The following SGK1 variants were observed in gnomAD, a reference collection of about 807,000 sequenced individuals.
SGK1 encodes serum/glucocorticoid regulated kinase 1.
In SGK1, 26 loss-of-function variants were observed where a neutral mutation model predicts 64.2. The observed-to-expected ratio is 0.40, with a 90% CI of 0.30 to 0.56. The LOEUF (loss-of-function observed/expected upper bound fraction) is 0.56. SGK1 is among the 20% of genes least tolerant of loss of function. The pLI is 0.38. For missense variants in SGK1, 519 were observed against 645.6 expected (o/e 0.80, Z 2.12); for synonymous variants, 265 against 239.7 (o/e 1.11, Z -0.98).
At chr6:134,171,223 T>C (rs1441952837) in intron 11 of SGK1, 45 bp from the exon 12 acceptor site, 13 of 1,563,834 alleles carry the variant, frequency 8.3e-6, no homozygotes, top group Admixed American at 1.7e-5. Context: ...GGAAGTTTCA[T>C]ATGGCACACA....
intron 3 of SGK1, among the ~76,000 whole-genome samples, chr6:134,179,035 T>A (rs1369892340): frequency 1.3e-5 from 2 of 152,218 alleles, no homozygotes; most frequent in Admixed American, 1.3e-4. Context: ...GGACTATAAA[T>A]GCTAAAACCT....
intron 2 of SGK1, among the ~76,000 whole-genome samples, chr6:134,231,865 C>A (rs1469954901): frequency 6.6e-6 from 1 of 151,664 alleles, no homozygotes; most frequent in Non-Finnish European, 1.5e-5. Context: ...CATGGTGAAA[C>A]CCTGTCTCTA....
chr6:134,233,738 G>T (rs766898856), intron 2 of SGK1, among the ~76,000 whole-genome samples: 1 of 150,628 alleles, frequency 6.6e-6, no homozygotes, highest in Non-Finnish European at 1.5e-5. Context: ...CATTCCTAAA[G>T]ACTCTAAATT....
chr6:134,261,526 G>C (rs746006337), intron 2 of SGK1: 55 of 365,056 alleles, frequency 1.5e-4, no homozygotes, highest in Non-Finnish European at 2.2e-4. Context: ...AGGATTTTTA[G>C]GGCAGTGAAA....
chr6:134,305,363 C>CAAAA (rs34637536), intron 1 of SGK1, among the ~76,000 whole-genome samples: 9 of 65,614 alleles, frequency 1.4e-4, no homozygotes, highest in African/African-American at 5.3e-4. Context: ...TACTTCATCT[C>CAAAA]AAAAAAAAAA....
chr6:134,271,428 T>C lies in SGK1; in HGVS notation c.70-9280A>G, dbSNP rs1252453146. Among the ~76,000 whole-genome samples, 2 of 148,002 alleles carry C rather than the reference T, an allele frequency of 1.4e-5. 1 individual carries two copies. Among genetic ancestry groups the C allele is most frequent in the Non-Finnish European group, 3.0e-5 (2 of 66,842 alleles). ...AAAAGAGAAAGTAGGAAAATTATTT[T>C]AGGTACTATCTCTACGGGACAGTGT... On this transcript the variant is annotated intron_variant, in intron 1 of 13. Coordinates refer to ENST00000367858, the MANE Select transcript of SGK1 (RefSeq NM_001143676.3).
chr6:134,295,122 C>T (rs1777326475), intron 1 of SGK1, among the ~76,000 whole-genome samples: 3 of 150,148 alleles, frequency 2.0e-5, no homozygotes, highest in South Asian at 4.1e-4. Context: ...CATTCTCCTG[C>T]CCCCCAAGGG....
intron 3 of SGK1, among the ~76,000 whole-genome samples, chr6:134,205,966 T>A (rs1455181678): frequency 3.9e-5 from 6 of 152,298 alleles, no homozygotes; most frequent in African/African-American, 1.2e-4. Context: ...ACGGCTCATG[T>A]GTGTTTGTGA....
chr6:134,186,570 G>A (rs967728139), intron 3 of SGK1, among the ~76,000 whole-genome samples: 7 of 152,228 alleles, frequency 4.6e-5, no homozygotes, highest in Admixed American at 2.0e-4. Context: ...ATCATAGCTG[G>A]TATTTATAAC....
At chr6:134,222,337 CT>C (rs754592511) in intron 2 of SGK1, among the ~76,000 whole-genome samples, 368 of 139,392 alleles carry the variant, frequency 2.6e-3, no homozygotes, top group Admixed American at 3.1e-3. Context: ...GAAAAAATTG[CT>C]TTTTTTTTTT....
chr6:134,191,236 G>C (rs527927661), intron 3 of SGK1, among the ~76,000 whole-genome samples: 1 of 152,226 alleles, frequency 6.6e-6, no homozygotes, highest in Admixed American at 6.5e-5. Flanking sequence ...TTCACCACTA[G>C]CCTCATTTTA....
intron 3 of SGK1, among the ~76,000 whole-genome samples, chr6:134,179,140 AAT>A (rs1197984766): frequency 4.6e-5 from 7 of 152,154 alleles, no homozygotes; most frequent in Non-Finnish European, 1.0e-4. Flanking sequence ...TATTTTGAAA[AAT>A]ATTTTTTATA....
chr6:134,292,083 A>AT (rs1161847373), intron 1 of SGK1, among the ~76,000 whole-genome samples: 30 of 151,480 alleles, frequency 2.0e-4, no homozygotes, highest in African/African-American at 6.8e-4. Flanking sequence ...AAAACACTAG[A>AT]TTTTTTGAAA....
chr6:134,284,390 C>G (rs756267037), intron 1 of SGK1, among the ~76,000 whole-genome samples: 1 of 152,162 alleles, frequency 6.6e-6, no homozygotes, highest in Non-Finnish European at 1.5e-5. Flanking sequence ...CCACTGCAGC[C>G]GGCCCATCAC....
At chr6:134,179,480 C>T (rs904582905) in intron 3 of SGK1, among the ~76,000 whole-genome samples, 1 of 141,854 alleles carries the variant, frequency 7.0e-6, no homozygotes, top group East Asian at 2.1e-4. Context: ...TGAAGGTTGT[C>T]AGCAAAGGCA....
At chr6:134,241,315 C>T (rs1422197418) in intron 2 of SGK1, among the ~76,000 whole-genome samples, 1 of 152,098 alleles carries the variant, frequency 6.6e-6, no homozygotes, top group East Asian at 1.9e-4. Flanking sequence ...TCCCAAAGTG[C>T]TGGGATTGCA....
At chr6:134,302,900 G>T (rs1317036044) in intron 1 of SGK1, among the ~76,000 whole-genome samples, 1 of 151,708 alleles carries the variant, frequency 6.6e-6, no homozygotes, top group Non-Finnish European at 1.5e-5. Context: ...GACTACAGGT[G>T]TGCGCTATCA....
At chr6:134,232,087 A>C (rs767841592) in intron 2 of SGK1, among the ~76,000 whole-genome samples, 1 of 151,520 alleles carries the variant, frequency 6.6e-6, no homozygotes, top group Non-Finnish European at 1.5e-5. Context: ...TATTAAGTTA[A>C]ATAAAAGAAA....
chr6:134,254,670 G>C (rs1313564968), intron 2 of SGK1, among the ~76,000 whole-genome samples: 1 of 152,128 alleles, frequency 6.6e-6, no homozygotes, highest in Non-Finnish European at 1.5e-5. Flanking sequence ...ATTGTCATTT[G>C]ATATACATAC....
Sources: gnomAD v4.1 joint callset for allele counts (sites outside exome capture counted in the v4.1 genomes callset) on GRCh38, gnomAD v4.1.1 for gene constraint, MANE v1.5 for transcripts, NCBI Gene and HGNC (gene_info 2026-07-23, HGNC 2026-07-21) for gene names.